The following HMCN1 variants were observed in gnomAD, a reference collection of about 807,000 sequenced individuals.
The protein encoded by HMCN1 is hemicentin-1.
Under a neutral mutation model 625.9 loss-of-function variants are expected in HMCN1, and 321 were observed. The observed-to-expected ratio is 0.51, with a 90% CI of 0.47 to 0.56. HMCN1 has a LOEUF of 0.56. HMCN1 is among the 20% of genes least tolerant of loss of function. The pLI is 0.00. For synonymous variants in HMCN1, 2,425 were observed against 2,417.6 expected, an observed-to-expected ratio of 1.00 and a Z score of -0.09; for missense variants, 6,588 against 6,887.3, an observed-to-expected ratio of 0.96 and a Z score of 1.54.
At chr1:185,985,425 T>C (rs894982415) in intron 19 of HMCN1, among the ~76,000 whole-genome samples, 17 of 152,240 alleles carry the variant, frequency 1.1e-4, no homozygotes, top group Non-Finnish European at 1.5e-4. Context: ...TGACTTCTAG[T>C]GACTGCCTAG....
rs1652756124 is a variant in HMCN1, at chr1:186,178,746, C to A, written c.16274C>A (p.Ala5425Glu). 1 of 1,609,730 alleles carries A rather than the reference C, an allele frequency of 6.2e-7. No homozygotes were observed. The highest frequency in any genetic ancestry group is 8.5e-7 in the Non-Finnish European group (1 of 1,176,006). The change falls in exon 104 of 107, where the codon GCA becomes GAA. Residue 5425 changes from alanine to glutamate, a missense_variant. Transcript: ENST00000271588. ...AAAACTTGCCCTGAAGGCTCTGAGG[C>A]AAGCCATGACACATGTGTAGGTAAA... is the stretch of plus-strand genomic sequence containing the variant. ...IRKTCPEGSE[A>E]SHDTCVDIDE...
chr1:185,800,751 T>C (rs58433773), intron 1 of HMCN1, among the ~76,000 whole-genome samples: 13,504 of 152,164 alleles, frequency 0.089, 1,941 homozygotes, highest in African/African-American at 0.3. Flanking sequence ...TGAACTGTTA[T>C]GCTAAAGAGA....
At chr1:185,818,536 G>A (rs1398661680) in intron 1 of HMCN1, among the ~76,000 whole-genome samples, 1 of 152,102 alleles carries the variant, frequency 6.6e-6, no homozygotes, top group Non-Finnish European at 1.5e-5. Context: ...TTTTTCAGAT[G>A]TGAATTGAGT....
chr1:186,066,910 A>G lies in HMCN1; in HGVS notation c.7706-924A>G, dbSNP rs189542521. On this transcript the variant is annotated intron_variant, in intron 49 of 106. Coordinates refer to ENST00000271588, the MANE Select transcript of HMCN1 (RefSeq NM_031935.3). ...AGATGTTTAATTATCTTCTATACAC[A>G]AGAAACTTTTAAAAATGTATACCTG... 3.0e-3 allele frequency among the ~76,000 whole-genome samples: 461 copies of G among 152,222 alleles called. 1 individual carries two copies. The highest frequency in any genetic ancestry group is 5.8e-3 in the Non-Finnish European group (394 of 68,004).
chr1:185,873,024 G>A (rs770329549), intron 4 of HMCN1, among the ~76,000 whole-genome samples: 4 of 151,990 alleles, frequency 2.6e-5, no homozygotes, highest in Non-Finnish European at 5.9e-5. Context: ...AATGCTTCAA[G>A]GAATATTTCT....
At chr1:185,778,869 G>A (rs1443906681) in intron 1 of HMCN1, among the ~76,000 whole-genome samples, 1 of 152,184 alleles carries the variant, frequency 6.6e-6, no homozygotes, top group Non-Finnish European at 1.5e-5. Context: ...CCAGTAATGG[G>A]ATGGCTGGGT....
chr1:185,815,674 G>GA (rs550238287), intron 1 of HMCN1, among the ~76,000 whole-genome samples: 5 of 147,598 alleles, frequency 3.4e-5, no homozygotes, highest in Non-Finnish European at 5.9e-5. Context: ...ATGCAACCTA[G>GA]AAAAAAAAAG....
chr1:186,077,382 T>C (rs1051081700), intron 54 of HMCN1, among the ~76,000 whole-genome samples: 1 of 152,154 alleles, frequency 6.6e-6, no homozygotes, highest in Non-Finnish European at 1.5e-5. Flanking sequence ...ATAGTAGTTT[T>C]GTTTTGATTT....
intron 54 of HMCN1, among the ~76,000 whole-genome samples, chr1:186,077,435 G>T (rs942734717): frequency 5.3e-5 from 8 of 152,008 alleles, no homozygotes; most frequent in African/African-American, 1.9e-4. Context: ...TTATATAAGG[G>T]ATTATCCTTG....
chr1:185,970,636 T>C, intron 15 of HMCN1, 143 bp downstream of exon 15: 1 of 738,910 alleles, frequency 1.4e-6, no homozygotes, highest in South Asian at 1.5e-5. Flanking sequence ...AGAATAACAG[T>C]AGTTAGCATT....
At chr1:185,764,228 G>A (rs1302933695) in intron 1 of HMCN1, among the ~76,000 whole-genome samples, 1 of 152,130 alleles carries the variant, frequency 6.6e-6, no homozygotes, top group Non-Finnish European at 1.5e-5. Context: ...ATGGTGAAAT[G>A]GAGGGTGAAG....
intron 20 of HMCN1, 120 bp from the exon 21 acceptor site, chr1:185,989,363 TTACTC>T (rs1652244104): frequency 4.6e-6 from 5 of 1,087,692 alleles, no homozygotes; most frequent in Non-Finnish European, 5.5e-6. Flanking sequence ...ATTTTAAAAT[TTACTC>T]TATTCCCCTC....
chr1:186,151,481 G>T (rs894428975), intron 94 of HMCN1, 125 bp from the exon 95 acceptor site: 2 of 1,248,602 alleles, frequency 1.6e-6, no homozygotes, highest in African/African-American at 3.0e-5. Flanking sequence ...CATACATGAG[G>T]TACTGGTATT....
At chr1:186,120,901 A>T (rs1269861836) in intron 80 of HMCN1, among the ~76,000 whole-genome samples, 1 of 152,242 alleles carries the variant, frequency 6.6e-6, no homozygotes, top group Non-Finnish European at 1.5e-5. Flanking sequence ...GATAGATGAA[A>T]TAATGATAAA....
rs774240140 is a variant in HMCN1, at chr1:186,007,295, G to T, written c.4630+13G>T. ...CTGACTATCTATAGTAAGTGCGATT[G>T]TCTTATGCTTTTTATTGTCTGCTCT... On this transcript the variant is annotated intron_variant, in intron 30 of 106. Coordinates refer to ENST00000271588, the MANE Select transcript of HMCN1 (RefSeq NM_031935.3). 1 of 1,612,444 alleles carries T rather than the reference G, an allele frequency of 6.2e-7. No individual in the cohort carries two copies. Among genetic ancestry groups the T allele is most frequent in the Non-Finnish European group, 8.5e-7 (1 of 1,178,660 alleles).
At chr1:185,775,347 G>A (rs1404131443) in intron 1 of HMCN1, among the ~76,000 whole-genome samples, 1 of 152,112 alleles carries the variant, frequency 6.6e-6, no homozygotes. Context: ...AGACTGTAGT[G>A]TGCTATAATC....
intron 1 of HMCN1, among the ~76,000 whole-genome samples, chr1:185,832,187 T>C (rs1660906318): frequency 6.6e-6 from 1 of 152,064 alleles, no homozygotes; most frequent in South Asian, 2.1e-4. Flanking sequence ...TCCCAGCTAC[T>C]TGGGGAGCTG....
At chr1:185,850,325 C>A (rs1246166596) in intron 2 of HMCN1, among the ~76,000 whole-genome samples, 1 of 151,982 alleles carries the variant, frequency 6.6e-6, no homozygotes, top group East Asian at 1.9e-4. Context: ...TCAGAAGGGC[C>A]AAGTAATGGG....
Position 186,019,559 on chromosome 1 carries a change from C to A in HMCN1, c.5489C>A (p.Ser1830Tyr). The change falls in exon 35 of 107, where the codon TCC becomes TAC. Residue 1830 changes from serine (S) to tyrosine (Y), a missense_variant. Ser to Tyr is a moderately radical substitution (Grantham distance 144). Around this residue, in one of 3 missense-constraint regions of HMCN1, gnomAD observed 4,628 missense variants for 4,853.1 expected, o/e 0.95. Coordinates refer to ENST00000271588, the MANE Select transcript of HMCN1 (RefSeq NM_031935.3). The part of the protein sequence containing the change: ...VTVHVPPTIK[S>Y]SGLSERVVVK... Reference sequence around the variant, plus strand: ...AATATAGTTCCTCCAACAATCAAGTCCTCAGGCCTTTCTGAGAGAGTTGTG... The same window carrying A: ...AATATAGTTCCTCCAACAATCAAGTACTCAGGCCTTTCTGAGAGAGTTGTG... 6.2e-7 allele frequency: 1 copy of A among 1,610,238 alleles called. No individual in the cohort carries two copies. The highest frequency in any genetic ancestry group is 8.5e-7 in the Non-Finnish European group (1 of 1,176,840).
Sources: allele counts gnomAD v4.1 joint callset (sites outside exome capture counted in the v4.1 genomes callset), GRCh38; gene constraint gnomAD v4.1.1; regional missense constraint gnomAD v4.1.1; transcripts MANE v1.5; gene names NCBI Gene and HGNC (gene_info 2026-07-23, HGNC 2026-07-21).